LRP1B: variants seen among roughly 807,000 people sequenced by gnomAD.
LRP1B encodes the protein LDL receptor related protein 1B.
A neutral mutation model predicts 556.6 loss-of-function variants in LRP1B; 217 were observed. That is an observed-to-expected ratio of 0.39 (90% confidence interval 0.35 to 0.44). The LOEUF (loss-of-function observed/expected upper bound fraction) is 0.44, where lower values mean the gene tolerates loss of function less well. Among genes scored for constraint, LRP1B ranks in the 20% least tolerant of loss-of-function variants. The pLI, the probability that LRP1B is intolerant of heterozygous loss-of-function variation, is 1.00. For missense variants in LRP1B, 5,053 were observed against 5,620.8 expected, an observed-to-expected ratio of 0.90 and a Z score of 3.23; for synonymous variants, 2,047 against 1,865.8, an observed-to-expected ratio of 1.10 and a Z score of -2.50.
At chr2:140,626,333 C>A (rs1198963161) in intron 41 of LRP1B, among the ~76,000 whole-genome samples, 1 of 152,028 alleles carries the variant, frequency 6.6e-6, no homozygotes, top group Non-Finnish European at 1.5e-5. Flanking sequence ...ACAGAATATG[C>A]AATACCAAGA....
chr2:142,093,368 T>C (rs1232520407), intron 1 of LRP1B, among the ~76,000 whole-genome samples: 1 of 152,102 alleles, frequency 6.6e-6, no homozygotes, highest in Non-Finnish European at 1.5e-5. Flanking sequence ...ATATAAGCTA[T>C]CACAAAAAAT....
At chr2:141,190,674 T>C (rs115403356) in intron 6 of LRP1B, among the ~76,000 whole-genome samples, 4,380 of 152,090 alleles carry the variant, frequency 0.029, 222 homozygotes, top group African/African-American at 0.1. Context: ...TAAGTAATTT[T>C]CTGATCTATG....
chr2:141,324,168 T>C (rs1687355580), intron 3 of LRP1B, among the ~76,000 whole-genome samples: 2 of 145,916 alleles, frequency 1.4e-5, no homozygotes. Context: ...CACACACAGA[T>C]GAACAAGGAA....
chr2:141,880,815 A>T (rs1698933396), intron 1 of LRP1B, among the ~76,000 whole-genome samples: 1 of 152,126 alleles, frequency 6.6e-6, no homozygotes, highest in African/African-American at 2.4e-5. Flanking sequence ...GTAAACATTC[A>T]TGGTGAATAC....
intron 3 of LRP1B, among the ~76,000 whole-genome samples, chr2:141,459,571 G>A (rs1237085709): frequency 2.0e-5 from 3 of 152,046 alleles, no homozygotes; most frequent in Admixed American, 6.6e-5. Flanking sequence ...CGTAATTCCC[G>A]AGTGTTGTGG....
In LRP1B at chr2:141,396,809, C is replaced by T. The variant is rs931139545; in HGVS notation, c.343+83587G>A. 6.6e-5 allele frequency among the ~76,000 whole-genome samples: 10 copies of T among 152,104 alleles called. No homozygotes were observed. The East Asian group carries it at 1.9e-3, about 29-fold the overall frequency. On this transcript the variant is annotated intron_variant, in intron 3 of 90. Coordinates refer to ENST00000389484, the MANE Select transcript of LRP1B (RefSeq NM_018557.3). ...CCCTAGAAAAAATGTAGAAGATACA[C>T]AGACCAGACATACAAATAAAAGAGG...
At chr2:140,340,874 T>A in intron 77 of LRP1B, among the ~76,000 whole-genome samples, 1 of 151,500 alleles carries the variant, frequency 6.6e-6, no homozygotes, top group East Asian at 1.9e-4. Context: ...TCCCAATGTT[T>A]ATACCTAACC....
intron 7 of LRP1B, among the ~76,000 whole-genome samples, chr2:141,121,657 G>A: frequency 6.6e-6 from 1 of 152,036 alleles, no homozygotes; most frequent in Non-Finnish European, 1.5e-5. Context: ...TCAATATCGT[G>A]AAAATGGCCA....
At chr2:141,834,957 A>G (rs1038375630) in intron 1 of LRP1B, among the ~76,000 whole-genome samples, 1 of 151,994 alleles carries the variant, frequency 6.6e-6, no homozygotes, top group Non-Finnish European at 1.5e-5. Context: ...ACAAGAAAAA[A>G]GACCTTAGAC....
chr2:141,589,643 G>A (rs1328097330), intron 2 of LRP1B, among the ~76,000 whole-genome samples: 1 of 152,114 alleles, frequency 6.6e-6, no homozygotes, highest in African/African-American at 2.4e-5. Context: ...ACTTATAAGA[G>A]AAAAAGGCAC....
chr2:141,810,113 A>AAAAGAAAGAAAGAAAGAAAGAAAG (rs67681645), intron 2 of LRP1B, among the ~76,000 whole-genome samples, 166 bp downstream of exon 2: 2 of 77,912 alleles, frequency 2.6e-5, no homozygotes, highest in Admixed American at 2.4e-4. Flanking sequence ...GAAAGAAAGA[A>AAAAGAAAGAAAGAAAGAAAGAAAG]AAAGAAAGAA....
chr2:141,735,922 CTGTT>C (rs1358234452), intron 2 of LRP1B, among the ~76,000 whole-genome samples: 1 of 152,070 alleles, frequency 6.6e-6, no homozygotes, highest in East Asian at 1.9e-4. Flanking sequence ...TAGAGAAACT[CTGTT>C]TGTTCTTTGT....
At chr2:141,249,361 C>T (rs1573710418) in intron 4 of LRP1B, among the ~76,000 whole-genome samples, 1 of 152,132 alleles carries the variant, frequency 6.6e-6, no homozygotes, top group African/African-American at 2.4e-5. Context: ...CTTTGGTAGG[C>T]CAAGGCGGGC....
intron 41 of LRP1B, among the ~76,000 whole-genome samples, chr2:140,610,724 T>A (rs140428003): frequency 0.013 from 1,998 of 152,330 alleles, 20 homozygotes; most frequent in Non-Finnish European, 0.022. Flanking sequence ...TAGCTGGGAC[T>A]ACAGGTGCCC....
chr2:142,050,379 T>G (rs1201394006), intron 1 of LRP1B, among the ~76,000 whole-genome samples: 1 of 152,050 alleles, frequency 6.6e-6, no homozygotes, highest in African/African-American at 2.4e-5. Flanking sequence ...AGCTTGTGTG[T>G]AAGCCATAAA....
intron 3 of LRP1B, among the ~76,000 whole-genome samples, chr2:141,408,408 T>G (rs891755261): frequency 2.0e-5 from 3 of 152,086 alleles, no homozygotes; most frequent in African/African-American, 7.2e-5. Flanking sequence ...CCTCCCAAAG[T>G]GCTGGGATTA....
At chr2:141,129,086 G>A (rs1221611213) in intron 7 of LRP1B, among the ~76,000 whole-genome samples, 1 of 151,932 alleles carries the variant, frequency 6.6e-6, no homozygotes, top group African/African-American at 2.4e-5. Flanking sequence ...ACCAGAAATG[G>A]AAATTTTAAA....
chr2:140,970,075 G>A (rs906139622), intron 18 of LRP1B, among the ~76,000 whole-genome samples: 1 of 152,156 alleles, frequency 6.6e-6, no homozygotes, highest in African/African-American at 2.4e-5. Flanking sequence ...GGCTGGCCTT[G>A]CTAGGTTGGG....
chr2:141,159,262 T>A (rs1702141609), intron 7 of LRP1B, among the ~76,000 whole-genome samples: 1 of 152,186 alleles, frequency 6.6e-6, no homozygotes, highest in South Asian at 2.1e-4. Context: ...ATGTCTAACA[T>A]AATTTTACAG....
Sources: gnomAD v4.1 joint callset for allele counts (sites outside exome capture counted in the v4.1 genomes callset) on GRCh38, gnomAD v4.1.1 for gene constraint, MANE v1.5 for transcripts, NCBI Gene and HGNC (gene_info 2026-07-23, HGNC 2026-07-21) for gene names.